CAMK1D: variants seen among roughly 807,000 people sequenced by gnomAD.
CAMK1D encodes the protein calcium/calmodulin dependent protein kinase ID.
CAMK1D carries 9 observed loss-of-function variants against 47.7 expected under a neutral mutation model. The observed-to-expected ratio is 0.19, with a 90% CI of 0.11 to 0.33. The LOEUF (loss-of-function observed/expected upper bound fraction) is 0.33, where lower values mean the gene tolerates loss of function less well. Among genes scored for constraint, CAMK1D ranks in the 10% least tolerant of loss-of-function variants. The pLI is 1.00. For synonymous variants in CAMK1D, 184 were observed against 184.9 expected, an observed-to-expected ratio of 0.99 and a Z score of 0.04; for missense variants, 291 against 488.7, an observed-to-expected ratio of 0.60 and a Z score of 3.81.
intron 1 of CAMK1D, among the ~76,000 whole-genome samples, chr10:12,355,010 T>C (rs1336840940): frequency 1.3e-5 from 2 of 151,558 alleles, no homozygotes; most frequent in African/African-American, 4.9e-5. Flanking sequence ...CCTGGCTAAC[T>C]TTTTTATTTT....
chr10:12,671,609 A>C, intron 3 of CAMK1D, among the ~76,000 whole-genome samples: 1 of 151,850 alleles, frequency 6.6e-6, no homozygotes, highest in East Asian at 1.9e-4. Context: ...AGATATGTAT[A>C]TATATATATA....
intron 3 of CAMK1D, among the ~76,000 whole-genome samples, chr10:12,728,239 C>T (rs551804063): frequency 2.2e-4 from 34 of 152,236 alleles, no homozygotes; most frequent in Admixed American, 1.8e-3. Context: ...CATTTTTGTT[C>T]GATTAAAGAT....
chr10:12,595,360 A>AAAAAAAT (rs1838116258), intron 2 of CAMK1D, among the ~76,000 whole-genome samples: 1 of 150,274 alleles, frequency 6.7e-6, no homozygotes, highest in Non-Finnish European at 1.5e-5. Context: ...AAAAAAAAAA[A>AAAAAAAT]AAAAGGATGG....
chr10:12,735,237 G>C (rs529781028), intron 3 of CAMK1D, among the ~76,000 whole-genome samples: 258 of 152,364 alleles, frequency 1.7e-3, no homozygotes, highest in Non-Finnish European at 2.9e-3. Context: ...AGCACTTTGG[G>C]AGGCCGAGGC....
chr10:12,726,787 A>G (rs1834660201), intron 3 of CAMK1D, among the ~76,000 whole-genome samples: 1 of 152,216 alleles, frequency 6.6e-6, no homozygotes, highest in Non-Finnish European at 1.5e-5. Flanking sequence ...CCACAACCTT[A>G]CCTACTATGA....
chr10:12,625,577 C>T (rs1338605817), intron 2 of CAMK1D, among the ~76,000 whole-genome samples: 6 of 150,946 alleles, frequency 4.0e-5, no homozygotes, highest in South Asian at 4.2e-4. Flanking sequence ...ACAATCCTCT[C>T]GCCTCCGCCT....
intron 2 of CAMK1D, among the ~76,000 whole-genome samples, chr10:12,652,059 G>A (rs762650443): frequency 1.1e-4 from 17 of 151,984 alleles, no homozygotes; most frequent in African/African-American, 1.9e-4. Context: ...GATTACAGGC[G>A]TGACCACCGC....
Position 12,820,914 on chromosome 10 carries a change from G to T in CAMK1D, c.834-3551G>T, listed in dbSNP as rs11499255. Among the ~76,000 whole-genome samples, 1,200 of 152,330 alleles carry T rather than the reference G, an allele frequency of 7.9e-3. 16 individuals carry two copies. Among genetic ancestry groups the T allele is most frequent in the African/African-American group, 0.027 (1,124 of 41,578 alleles). On this transcript the variant is annotated intron_variant, in intron 8 of 10. Transcript: ENST00000619168. ...GGAACCCAGGCCCTGTTACAGGGCA[G>T]CCCTGGCCAGAGCTCATTCCTCCAG...
chr10:12,691,421 A>ATTTT (rs869207786), intron 3 of CAMK1D, among the ~76,000 whole-genome samples: 12 of 4,272 alleles, frequency 2.8e-3, no homozygotes, highest in Non-Finnish European at 4.7e-3. Context: ...ATATATATAT[A>ATTTT]TTTTTTTTTT....
intron 1 of CAMK1D, among the ~76,000 whole-genome samples, chr10:12,428,992 G>T (rs1588475716): frequency 1.3e-5 from 2 of 152,198 alleles, no homozygotes; most frequent in Non-Finnish European, 2.9e-5. Context: ...TCAATGTGTG[G>T]TTTATGAGCC....
rs1455962982 is a variant in CAMK1D at position 12,833,364 on chromosome 10, C to T, written c.*4477C>T. ...TTGGAAAGTGGATTGATCCTCTCCC[C>T]TGTGGAATGACAGCTTAACCTGATT... On this transcript the variant is annotated 3_prime_UTR_variant, in exon 11 of 11. Transcript: ENST00000619168. 1.3e-5 allele frequency: 2 copies of T among 152,276 alleles called. No homozygotes were observed. The highest frequency in any genetic ancestry group is 4.8e-5 in the African/African-American group (2 of 41,460). The allele number at this position is 152,276 out of a possible 1,614,324, so 9.4% of individuals were successfully genotyped here.
chr10:12,703,085 T>C (rs1162460898), intron 3 of CAMK1D, among the ~76,000 whole-genome samples: 3 of 152,216 alleles, frequency 2.0e-5, no homozygotes, highest in African/African-American at 2.4e-5. Context: ...TTTGTTGTTT[T>C]TCCATCCAAG....
At chr10:12,631,316 A>T (rs148583127) in intron 2 of CAMK1D, among the ~76,000 whole-genome samples, 6 of 152,332 alleles carry the variant, frequency 3.9e-5, no homozygotes, top group Non-Finnish European at 8.8e-5. Context: ...ATGTATTCCA[A>T]ATCAGCTGTC....
chr10:12,754,987 G>A lies in CAMK1D; in HGVS notation c.300-5961G>A, dbSNP rs74118571. Among the ~76,000 whole-genome samples, 1,138 of 152,248 alleles carry A rather than the reference G, an allele frequency of 7.5e-3. 18 individuals are homozygous for A. The highest frequency in any genetic ancestry group is 0.026 in the African/African-American group (1,081 of 41,534). On this transcript the variant is annotated intron_variant, in intron 3 of 10. Coordinates refer to ENST00000619168, the MANE Select transcript of CAMK1D (RefSeq NM_153498.4). ...CACCCAGATATAGAGAAGGCAAAAC[G>A]CCCAGAATCAGAGTGTAACCGAATA...
intron 2 of CAMK1D, among the ~76,000 whole-genome samples, chr10:12,596,696 T>G (rs138360572): frequency 5.6e-4 from 85 of 152,144 alleles, no homozygotes; most frequent in African/African-American, 2.0e-3. Flanking sequence ...CCTCAAAGAT[T>G]TGGATGCCGA....
rs77497243 is a variant in CAMK1D, at chr10:12,834,583, G to C, written c.*5696G>C. 8.5e-5 allele frequency: 13 copies of C among 152,072 alleles called. No individual in the cohort carries two copies. The highest frequency in any genetic ancestry group is 3.1e-4 in the African/African-American group (13 of 41,384). The allele number at this position is 152,072 out of a possible 1,614,324, so 9.4% of individuals were successfully genotyped here. A position where few individuals can be genotyped will look rare whatever the true frequency, so the allele number is the denominator to read the frequency against. ...GTACTATAACACCGCTTCTGCATTC[G>C]CCATATCCGTTTTTTAACCTTTTTG... On this transcript the variant is annotated 3_prime_UTR_variant, in exon 11 of 11. Coordinates refer to ENST00000619168, the MANE Select transcript of CAMK1D (RefSeq NM_153498.4).
intron 2 of CAMK1D, among the ~76,000 whole-genome samples, chr10:12,652,574 C>A (rs183061854): frequency 6.6e-6 from 1 of 151,282 alleles, no homozygotes; most frequent in Non-Finnish European, 1.5e-5. Context: ...GGCGACAGAG[C>A]GAGACTCCAT....
At chr10:12,610,528 A>G (rs544334393) in intron 2 of CAMK1D, among the ~76,000 whole-genome samples, 8 of 152,326 alleles carry the variant, frequency 5.3e-5, no homozygotes, top group Admixed American at 1.3e-4. Flanking sequence ...CAGTAAGTGT[A>G]TAATGGGATG....
chr10:12,774,746 C>G (rs994929639), intron 5 of CAMK1D, among the ~76,000 whole-genome samples: 5 of 152,206 alleles, frequency 3.3e-5, no homozygotes, highest in Non-Finnish European at 7.3e-5. Flanking sequence ...AGATCAGCAG[C>G]AGTAGATTCT....
Sources: gnomAD v4.1 joint callset for allele counts (sites outside exome capture counted in the v4.1 genomes callset) on GRCh38, gnomAD v4.1.1 for gene constraint, MANE v1.5 for transcripts, NCBI Gene and HGNC (gene_info 2026-07-23, HGNC 2026-07-21) for gene names.